The following ERCC3 variants were observed in gnomAD, a reference collection of about 807,000 sequenced individuals.
The protein encoded by ERCC3 is general transcription and DNA repair factor IIH helicase/translocase subunit XPB.
A neutral mutation model predicts 94.2 loss-of-function variants in ERCC3; 66 were observed. That is an observed-to-expected ratio of 0.70 (90% CI 0.57 to 0.86). The LOEUF (loss-of-function observed/expected upper bound fraction) is 0.86, where lower values mean the gene tolerates loss of function less well. Among genes scored for constraint, ERCC3 ranks in the 40% least tolerant of loss-of-function variants. The pLI, the probability that ERCC3 is intolerant of heterozygous loss-of-function variation, is 0.00. For synonymous variants in ERCC3, 349 were observed against 369.1 expected, an observed-to-expected ratio of 0.95 and a Z score of 0.63; for missense variants, 829 against 987.1, an observed-to-expected ratio of 0.84 and a Z score of 2.15.
intron 12 of ERCC3, among the ~76,000 whole-genome samples, chr2:127,270,444 G>T (rs767010109): frequency 2.6e-5 from 4 of 152,228 alleles, no homozygotes; most frequent in Non-Finnish European, 5.9e-5. Flanking sequence ...ATTTGCCAAA[G>T]GTGACACAGC....
chr2:127,289,247 A>T, intron 6 of ERCC3, 90 bp downstream of exon 6: 1 of 1,197,632 alleles, frequency 8.3e-7, no homozygotes, highest in Non-Finnish European at 1.2e-6. Flanking sequence ...CCTTCCTTTC[A>T]CACAGACTAC....
In ERCC3 at chr2:127,280,519, C is replaced by A. The variant is rs767033505; in HGVS notation, c.1455G>T (p.Gly485=). The change falls in exon 9 of 15, where the codon GGG becomes GGT. Residue 485 remains glycine, a synonymous_variant. Transcript: ENST00000285398. The surrounding 1 kb of genome is among the most constrained non-coding windows in gnomAD (Gnocchi z 6.3). ...DKIVDLNFLI[G]PKLYEANWME... Reference sequence around the variant, plus strand: ...TCCAGTTGGCTTCGTAGAGCTTAGGCCCAATCAGAAAATTTAAATCCACAA... The same window carrying A: ...TCCAGTTGGCTTCGTAGAGCTTAGGACCAATCAGAAAATTTAAATCCACAA... 1.2e-6 allele frequency: 2 copies of A among 1,613,872 alleles called. No homozygotes were observed. Among genetic ancestry groups the A allele is most frequent in the Non-Finnish European group, 8.5e-7 (1 of 1,179,996 alleles).
chr2:127,289,256 AC>A, intron 6 of ERCC3, 80 bp downstream of exon 6: 3 of 1,275,434 alleles, frequency 2.4e-6, no homozygotes, highest in Non-Finnish European at 3.4e-6. Flanking sequence ...CACACAGACT[AC>A]AGGCAGAGTC....
intron 3 of ERCC3, 66 bp downstream of exon 3, chr2:127,292,543 TG>T: frequency 9.7e-7 from 1 of 1,033,858 alleles, no homozygotes; most frequent in South Asian, 1.3e-5. Context: ...GCTGACAACA[TG>T]GAGCACCTAT....
intron 12 of ERCC3, among the ~76,000 whole-genome samples, chr2:127,270,272 G>C (rs1462314636): frequency 6.6e-6 from 1 of 152,062 alleles, no homozygotes; most frequent in African/African-American, 2.4e-5. Context: ...CTATCCTCCT[G>C]CCTTGGCCTC....
chr2:127,276,846 G>A (rs1286030537), intron 10 of ERCC3, among the ~76,000 whole-genome samples: 4 of 152,208 alleles, frequency 2.6e-5, no homozygotes, highest in South Asian at 2.1e-4. Context: ...GAAGGAAAAC[G>A]CACAGCCACC....
At position 127,280,615 on chromosome 2, in the gene ERCC3, C is replaced by G; in HGVS notation, c.1359G>C (p.Arg453Ser). 2 of 1,614,126 alleles carry G rather than the reference C, an allele frequency of 1.2e-6. No individual in the cohort carries two copies. Among genetic ancestry groups the G allele is most frequent in the Non-Finnish European group, 1.7e-6 (2 of 1,180,006 alleles). ...AGTGGGCCTGCACGATGGTGAGCAC[C>G]CTTCGGAACATCTTGGCTGAGGAAA... ...VHTIPAKMFR[R>S]VLTIVQAHCK... is the part of the protein sequence containing the mutation. The change falls in exon 9 of 15, where the codon AGG becomes AGC. Residue 453 changes from arginine (R) to serine (S), a missense_variant. Physicochemically the swap from Arg to Ser is moderately radical, Grantham distance 110 (BLOSUM62 -1). Coordinates refer to ENST00000285398, the MANE Select transcript of ERCC3 (RefSeq NM_000122.2). The surrounding 1 kb of genome is among the most constrained non-coding windows in gnomAD (Gnocchi z 6.3).
intron 8 of ERCC3, among the ~76,000 whole-genome samples, chr2:127,281,478 A>T (rs940250566): frequency 9.2e-5 from 14 of 152,240 alleles, no homozygotes; most frequent in African/African-American, 3.1e-4. Flanking sequence ...ATTCATTTTT[A>T]AAAAACCTAA....
intron 8 of ERCC3, among the ~76,000 whole-genome samples, chr2:127,283,834 G>C (rs1051243392): frequency 6.6e-6 from 1 of 152,200 alleles, no homozygotes; most frequent in African/African-American, 2.4e-5. Flanking sequence ...CCTTTTTCAA[G>C]TGCTTTTTTG....
In ERCC3 at chr2:127,274,293, C is replaced by T. The variant is rs1286356820; in HGVS notation, c.1731-1332G>A. Among the ~76,000 whole-genome samples the T allele has an allele frequency of 2.1e-5, 3 of 143,270 alleles. No homozygotes were observed. Among genetic ancestry groups the T allele is most frequent in the Non-Finnish European group, 3.0e-5 (2 of 66,440 alleles). The allele number at this position is 143,270 out of a possible 152,430, so 94.0% of individuals were successfully genotyped here. ...TCACACCACTTCACTCCAGCCTGGG[C>T]AACAGAGTGAGACTCCGTCTCAGAA... On this transcript the variant is annotated intron_variant, in intron 10 of 14. Coordinates refer to ENST00000285398, the MANE Select transcript of ERCC3 (RefSeq NM_000122.2). The surrounding 1 kb of genome is among the most constrained non-coding windows in gnomAD (Gnocchi z 4.0).
At chr2:127,273,050 C>A in intron 10 of ERCC3, 89 bp from the exon 11 acceptor site, 1 of 854,782 alleles carries the variant, frequency 1.2e-6, no homozygotes. Context: ...CTCAGGCTAG[C>A]TCTTCTCAAG....
chr2:127,287,360 C>T (rs1254428234), intron 7 of ERCC3, among the ~76,000 whole-genome samples: 1 of 152,024 alleles, frequency 6.6e-6, no homozygotes, highest in Non-Finnish European at 1.5e-5. Context: ...CACCATGCCA[C>T]GGTGGCTCAT....
At position 127,258,993 on chromosome 2, in the gene ERCC3, C is replaced by G. The variant is rs1199250480; in HGVS notation, c.2217+303G>C. Among the ~76,000 whole-genome samples, 1 of 152,118 alleles carries G rather than the reference C, an allele frequency of 6.6e-6. No individual in the cohort carries two copies. ...CCATCATGCTCCCTCCAGTCACCACCAAGGTGAGCTGGGGTCACCTGCTTG... is the reference window on the plus strand; with the variant it reads ...CCATCATGCTCCCTCCAGTCACCACGAAGGTGAGCTGGGGTCACCTGCTTG... On this transcript the variant is annotated intron_variant, in intron 14 of 14. Coordinates refer to ENST00000285398, the MANE Select transcript of ERCC3 (RefSeq NM_000122.2). The surrounding 1 kb of genome is among the most constrained non-coding windows in gnomAD (Gnocchi z 4.1).
Position 127,277,288 on chromosome 2 carries a change from T to C in ERCC3, c.1730+1885A>G, listed in dbSNP as rs1684760871. Reference sequence around the variant, plus strand: ...AGAAATTACCTGACCCTACTGAGTTTATGGTTATGTGAAGACTTTGGAGGG... The same window carrying C: ...AGAAATTACCTGACCCTACTGAGTTCATGGTTATGTGAAGACTTTGGAGGG... On this transcript the variant is annotated intron_variant, in intron 10 of 14. Coordinates refer to ENST00000285398, the MANE Select transcript of ERCC3 (RefSeq NM_000122.2). This position sits in a 1 kb window ranked among gnomAD's most constrained non-coding sequence, Gnocchi z 5.1. 6.6e-6 allele frequency among the ~76,000 whole-genome samples: 1 copy of C among 152,112 alleles called. No homozygotes were observed. The highest frequency in any genetic ancestry group is 1.5e-5 in the Non-Finnish European group (1 of 68,030).
chr2:127,275,710 C>G (rs1684714690), intron 10 of ERCC3, among the ~76,000 whole-genome samples: 1 of 152,100 alleles, frequency 6.6e-6, no homozygotes, highest in Non-Finnish European at 1.5e-5. Flanking sequence ...GTCTCATTGC[C>G]CTGCTCAAAT....
At chr2:127,285,056 C>T (rs4150429) in intron 8 of ERCC3, among the ~76,000 whole-genome samples, 2,229 of 152,096 alleles carry the variant, frequency 0.015, 60 homozygotes, top group African/African-American at 0.05. Flanking sequence ...AACTATACAG[C>T]AATAAAAGGA....
intron 12 of ERCC3, among the ~76,000 whole-genome samples, chr2:127,268,009 A>C (rs936468602): frequency 2.6e-5 from 4 of 151,866 alleles, no homozygotes; most frequent in African/African-American, 9.7e-5. Context: ...GCTGGAGTGC[A>C]ATGGTGCAAT....
Position 127,279,055 on chromosome 2 carries a change from T to A in ERCC3, c.1730+118A>T. On this transcript the variant is annotated intron_variant, in intron 10 of 14. Coordinates refer to ENST00000285398, the MANE Select transcript of ERCC3 (RefSeq NM_000122.2). The surrounding 1 kb of genome is among the most constrained non-coding windows in gnomAD (Gnocchi z 4.7). ...GAGACCAGGGCCACAGAACAAGATC[T>A]TTGGAGCCCAAGAAGTTCCTGAGAG... 4.1e-6 allele frequency: 3 copies of A among 734,334 alleles called. No individual in the cohort carries two copies. Among genetic ancestry groups the A allele is most frequent in the Non-Finnish European group, 7.2e-6 (3 of 416,344 alleles). 45.5% of individuals were successfully genotyped at this position (734,334 alleles called of 1,614,324 possible).
rs190445772 is a variant in ERCC3 at position 127,269,156 on chromosome 2, G to A, written c.1945+2180C>T. On this transcript the variant is annotated intron_variant, in intron 12 of 14. Coordinates refer to ENST00000285398, the MANE Select transcript of ERCC3 (RefSeq NM_000122.2). ...ATTTTTAGACTACAGCTGACCATGC[G>A]TAATTGAATGTGGAAAGGAAAATTG... Among the ~76,000 whole-genome samples, 8 of 152,272 alleles carry A rather than the reference G, an allele frequency of 5.3e-5. No individual in the cohort carries two copies. The East Asian group carries it at 7.7e-4, about 15-fold the overall frequency.
Sources: allele counts gnomAD v4.1 joint callset (sites outside exome capture counted in the v4.1 genomes callset), GRCh38; gene constraint gnomAD v4.1.1; non-coding constraint Gnocchi (gnomAD v3.1); transcripts MANE v1.5; gene names NCBI Gene and HGNC (gene_info 2026-07-23, HGNC 2026-07-21).